MRPS35: variants seen among roughly 807,000 people sequenced by gnomAD.
MRPS35 encodes the protein small ribosomal subunit protein mS35.
Under a neutral mutation model 32.7 loss-of-function variants are expected in MRPS35, and 29 were observed. The ratio of observed to expected loss-of-function variants is 0.89; its 90% CI spans 0.66 to 1.21. The LOEUF is 1.21. Ranked by LOEUF, MRPS35 falls within the 50% of genes most tolerant of loss-of-function variation. The pLI, the probability that MRPS35 is intolerant of heterozygous loss-of-function variation, is 0.00. For missense variants in MRPS35, 373 were observed against 383.8 expected, an observed-to-expected ratio of 0.97 and a Z score of 0.23; for synonymous variants, 148 against 139.3, an observed-to-expected ratio of 1.06 and a Z score of -0.44.
intron 7 of MRPS35, among the ~76,000 whole-genome samples, chr12:27,740,950 C>T (rs368697928): frequency 2.1e-4 from 32 of 152,040 alleles, no homozygotes; most frequent in East Asian, 5.8e-4. Context: ...GCGGATTGCC[C>T]GAGCTCAGGA....
At chr12:27,748,590 T>A (rs1413373495) in intron 7 of MRPS35, among the ~76,000 whole-genome samples, 3 of 152,134 alleles carry the variant, frequency 2.0e-5, no homozygotes, top group African/African-American at 4.8e-5. Flanking sequence ...GAGCTTAAAA[T>A]GGTATTTTTA....
intron 5 of MRPS35, among the ~76,000 whole-genome samples, chr12:27,732,933 T>C (rs2140769638): frequency 1.5e-5 from 2 of 131,022 alleles, no homozygotes; most frequent in Middle Eastern, 4.0e-3. Context: ...TTCACAAGTT[T>C]AGACATTTCC....
At chr12:27,719,922 A>G in intron 4 of MRPS35, 54 bp downstream of exon 4, 1 of 1,287,372 alleles carries the variant, frequency 7.8e-7, no homozygotes, top group Admixed American at 1.8e-5. Context: ...CATAAATTTA[A>G]GAATCTCTGT....
At chr12:27,740,210 A>AT (rs561277809) in intron 7 of MRPS35, among the ~76,000 whole-genome samples, 38 of 150,670 alleles carry the variant, frequency 2.5e-4, no homozygotes, top group Non-Finnish European at 4.7e-4. Context: ...CCATTGCTTG[A>AT]TTTTTTTTAT....
intron 1 of MRPS35, among the ~76,000 whole-genome samples, chr12:27,711,976 A>G (rs149991254): frequency 2.0e-5 from 3 of 151,514 alleles, no homozygotes; most frequent in East Asian, 1.9e-4. Flanking sequence ...GGGGAAGTCA[A>G]TAGTATAAAC....
intron 1 of MRPS35, 128 bp from the exon 2 acceptor site, chr12:27,714,650 AAG>A: frequency 4.2e-6 from 3 of 706,158 alleles, no homozygotes; most frequent in African/African-American, 1.8e-5. Flanking sequence ...AAAAAAAAAA[AAG>A]ATTGTTTCAT....
Position 27,735,454 on chromosome 12 carries a change from T to G in MRPS35, c.530T>G (p.Leu177Arg). 1.9e-6 allele frequency: 3 copies of G among 1,603,244 alleles called. No homozygotes were observed. The highest frequency in any genetic ancestry group is 2.6e-6 in the Non-Finnish European group (3 of 1,175,492). Reference sequence around the variant, plus strand: ...ACTTTTCTTATTTTTAAGGTAAAGCTTTCCAGTTTGAATTTAGATGATCAC... The same window carrying G: ...ACTTTTCTTATTTTTAAGGTAAAGCGTTCCAGTTTGAATTTAGATGATCAC... ...RARVVVLRVK[L>R]SSLNLDDHAK... Residue 177 changes from leucine (L) to arginine (R), a missense_variant, in exon 6 of 8, where the codon CTT (leucine) becomes CGT (arginine). Coordinates refer to ENST00000081029, the MANE Select transcript of MRPS35 (RefSeq NM_021821.4).
At chr12:27,730,938 C>T (rs1469290228) in intron 5 of MRPS35, among the ~76,000 whole-genome samples, 1 of 152,194 alleles carries the variant, frequency 6.6e-6, no homozygotes, top group Non-Finnish European at 1.5e-5. Context: ...TGCTCCACTT[C>T]TTTGAGAAAG....
At chr12:27,732,989 T>G (rs1490311339) in intron 5 of MRPS35, among the ~76,000 whole-genome samples, 26 of 210 alleles carry the variant, frequency 0.12, no homozygotes, top group East Asian at 0.34. Flanking sequence ...CATTTGAAGA[T>G]ATATATATAT....
intron 1 of MRPS35, among the ~76,000 whole-genome samples, 183 bp from the exon 2 acceptor site, chr12:27,714,597 T>C (rs1328227793): frequency 1.4e-5 from 2 of 142,990 alleles, no homozygotes; most frequent in Non-Finnish European, 3.0e-5. Flanking sequence ...TTCCAGTTTT[T>C]AGTCTTCATT....
chr12:27,743,772 T>C (rs1351528808), intron 7 of MRPS35, among the ~76,000 whole-genome samples: 2 of 152,186 alleles, frequency 1.3e-5, no homozygotes, highest in African/African-American at 4.8e-5. Flanking sequence ...CTCACAGTTC[T>C]AGAGGCTGGG....
chr12:27,729,754 C>T (rs1412857330), intron 5 of MRPS35, among the ~76,000 whole-genome samples: 1 of 152,102 alleles, frequency 6.6e-6, no homozygotes, highest in Non-Finnish European at 1.5e-5. Flanking sequence ...TAGAATTTTA[C>T]TTAGGGTCAT....
intron 7 of MRPS35, among the ~76,000 whole-genome samples, chr12:27,743,219 G>A (rs1251834657): frequency 6.6e-6 from 1 of 151,830 alleles, no homozygotes; most frequent in African/African-American, 2.4e-5. Flanking sequence ...AATATCAAGT[G>A]CACTTTCATT....
intron 4 of MRPS35, among the ~76,000 whole-genome samples, chr12:27,723,501 TC>T (rs980457558): frequency 2.0e-5 from 3 of 152,176 alleles, no homozygotes; most frequent in Non-Finnish European, 4.4e-5. Context: ...CTTATAAGAA[TC>T]CATTTAAGGG....
At chr12:27,724,679 G>C (rs1232513852) in intron 5 of MRPS35, among the ~76,000 whole-genome samples, 1 of 152,090 alleles carries the variant, frequency 6.6e-6, no homozygotes, top group South Asian at 2.1e-4. Flanking sequence ...GGAGGCAGAG[G>C]TTGCAGTGAG....
intron 1 of MRPS35, 35 bp from the exon 2 acceptor site, chr12:27,714,745 T>G (rs2061842678): frequency 1.3e-6 from 2 of 1,544,990 alleles, no homozygotes; most frequent in Non-Finnish European, 1.8e-6. Flanking sequence ...CATGATAAAA[T>G]TCTCTTTAAC....
rs762836743 is a variant in MRPS35, at chr12:27,724,193, G to GT, written c.522+14dup. On this transcript the variant is annotated splice_region_variant and intron_variant, in intron 5 of 7. Coordinates refer to ENST00000081029, the MANE Select transcript of MRPS35 (RefSeq NM_021821.4). The stretch of plus-strand genomic sequence containing the variant: ...ACGAGTAGTAGTCTTAAGAGTAAGA[G>GT]TTTTTTTCATTTTTTTTTTTTAAAT... 3.9e-6 allele frequency: 6 copies of GT among 1,537,798 alleles called. No homozygotes were observed. The highest frequency in any genetic ancestry group is 4.7e-5 in the East Asian group (2 of 42,822).
chr12:27,740,432 T>A (rs2140776286), intron 7 of MRPS35, among the ~76,000 whole-genome samples: 1 of 152,300 alleles, frequency 6.6e-6, no homozygotes, highest in East Asian at 1.9e-4. Context: ...CATGCCCAGC[T>A]AATTTTTGCA....
chr12:27,734,299 A>G (rs1402993696), intron 5 of MRPS35, among the ~76,000 whole-genome samples: 3 of 149,882 alleles, frequency 2.0e-5, no homozygotes, highest in Admixed American at 6.7e-5. Context: ...CTGGAGTGCA[A>G]TGGCGCGATT....
Sources: allele counts gnomAD v4.1 joint callset (sites outside exome capture counted in the v4.1 genomes callset), GRCh38; gene constraint gnomAD v4.1.1; transcripts MANE v1.5; gene names NCBI Gene and HGNC (gene_info 2026-07-23, HGNC 2026-07-21).